SCAF4: variants seen among roughly 807,000 people sequenced by gnomAD.
The protein encoded by SCAF4 is SR-related and CTD-associated factor 4.
In SCAF4, 25 loss-of-function variants were observed where a neutral mutation model predicts 129.8. The ratio of observed to expected loss-of-function variants is 0.19; its 90% CI spans 0.14 to 0.27. SCAF4 has a LOEUF of 0.27. Ranked by LOEUF, SCAF4 falls within the 10% of genes least tolerant of loss-of-function variation. SCAF4 has a pLI of 1.00. For missense variants in SCAF4, 1,246 were observed against 1,457.1 expected, an observed-to-expected ratio of 0.86 and a Z score of 2.36; for synonymous variants, 551 against 497.7, an observed-to-expected ratio of 1.11 and a Z score of -1.43.
At chr21:31,728,146 C>A (rs546563798) in intron 1 of SCAF4, among the ~76,000 whole-genome samples, 15 of 152,230 alleles carry the variant, frequency 9.9e-5, no homozygotes, top group African/African-American at 3.4e-4. Flanking sequence ...CTATTCTACA[C>A]CCCCTTCCTT....
rs2050144182 is a variant in SCAF4, at chr21:31,687,098, A to G, written c.2043+1209T>C. The stretch of plus-strand genomic sequence containing the variant: ...CAGCCAAGAATGTACCAAAGCATAC[A>G]GTTTTCCCCTCACATTGAGAAAATG... On this transcript the variant is annotated intron_variant, in intron 16 of 19. Coordinates refer to ENST00000286835, the MANE Select transcript of SCAF4 (RefSeq NM_020706.2). Among the ~76,000 whole-genome samples, 2 of 152,196 alleles carry G rather than the reference A, an allele frequency of 1.3e-5. 1 individual carries two copies. The highest frequency in any genetic ancestry group is 4.1e-4 in the South Asian group (2 of 4,830).
In SCAF4 at chr21:31,709,350, C is replaced by CAAAAAAA. The variant is rs376581889; in HGVS notation, c.31-3000_31-2994dup. Among the ~76,000 whole-genome samples the CAAAAAAA allele has an allele frequency of 1.0e-4, 12 of 117,760 alleles. No individual in the cohort carries two copies. In the East Asian group the frequency reaches 1.6e-3, roughly 16 times the overall value. 77.3% of individuals were successfully genotyped at this position (117,760 alleles called of 152,430 possible). On this transcript the variant is annotated intron_variant, in intron 1 of 19. Transcript: ENST00000286835. ...AAATACTTACTGGTACTGAAACTGT[C>CAAAAAAA]AAAAAAAAAAAAAAGAAAGAAAGAA...
intron 1 of SCAF4, among the ~76,000 whole-genome samples, chr21:31,725,111 T>C (rs1214955983): frequency 3.3e-5 from 5 of 152,142 alleles, no homozygotes; most frequent in Non-Finnish European, 7.4e-5. Context: ...CACAACATGG[T>C]CAACTTTTGC....
intron 19 of SCAF4, among the ~76,000 whole-genome samples, chr21:31,683,410 AAT>A (rs2050041770): frequency 6.6e-6 from 1 of 152,242 alleles, no homozygotes; most frequent in Admixed American, 6.5e-5. Context: ...AGTGATAAGA[AAT>A]AACAGGCAGG....
At chr21:31,696,821 C>G (rs2050400255) in intron 7 of SCAF4, 71 bp from the exon 8 acceptor site, 1 of 1,318,596 alleles carries the variant, frequency 7.6e-7, no homozygotes, top group East Asian at 2.3e-5. Flanking sequence ...TTTATGAAAA[C>G]AAGGGATGTT....
chr21:31,700,981 T>C lies in SCAF4; in HGVS notation c.777+14A>G, dbSNP rs912273816. ...GATATAAATGGTGGGGTGGGTTATG[T>C]GAGAGAAATATACCTTGTCAAATGC... On this transcript the variant is annotated intron_variant, in intron 7 of 19. Coordinates refer to ENST00000286835, the MANE Select transcript of SCAF4 (RefSeq NM_020706.2). 1 of 1,613,206 alleles carries C rather than the reference T, an allele frequency of 6.2e-7. No homozygotes were observed.
At chr21:31,707,127 T>G (rs1344014483) in intron 1 of SCAF4, among the ~76,000 whole-genome samples, 1 of 152,168 alleles carries the variant, frequency 6.6e-6, no homozygotes, top group Non-Finnish European at 1.5e-5. Context: ...TTGACTGTCT[T>G]GGGTGTCAGC....
chr21:31,714,230 C>T (rs2050873131), intron 1 of SCAF4, among the ~76,000 whole-genome samples: 1 of 152,136 alleles, frequency 6.6e-6, no homozygotes, highest in Non-Finnish European at 1.5e-5. Flanking sequence ...ATTCAATAAA[C>T]ACCGTTAGGT....
rs34216799 is a variant in SCAF4 at position 31,698,621 on chromosome 21, A to G, written c.778-1871T>C. Among the ~76,000 whole-genome samples, 4 of 152,198 alleles carry G rather than the reference A, an allele frequency of 2.6e-5. No homozygotes were observed. The East Asian group carries it at 7.7e-4, about 29-fold the overall frequency. Reference sequence around the variant, plus strand: ...AGAAGGTGTTTTTTAGATGAAAGTAACAATAAATCAGTAGACTCTGAGTAA... The same window carrying G: ...AGAAGGTGTTTTTTAGATGAAAGTAGCAATAAATCAGTAGACTCTGAGTAA... On this transcript the variant is annotated intron_variant, in intron 7 of 19. Transcript: ENST00000286835.
intron 7 of SCAF4, among the ~76,000 whole-genome samples, chr21:31,698,159 A>C (rs1373361126): frequency 6.6e-6 from 1 of 152,202 alleles, no homozygotes; most frequent in African/African-American, 2.4e-5. Flanking sequence ...AAAATACTTA[A>C]AGCAATTAAA....
chr21:31,702,115 C>A, intron 5 of SCAF4, 129 bp downstream of exon 5: 1 of 1,370,814 alleles, frequency 7.3e-7, no homozygotes, highest in Non-Finnish European at 1.0e-6. Context: ...GAAAGAAAAT[C>A]ATACCTTCCA....
chr21:31,685,048 C>A lies in SCAF4; in HGVS notation c.2488+1G>T. 6.3e-7 allele frequency: 1 copy of A among 1,588,564 alleles called. No homozygotes were observed. Among genetic ancestry groups the A allele is most frequent in the Non-Finnish European group, 8.6e-7 (1 of 1,159,436 alleles). On this transcript the variant is annotated splice_donor_variant, in intron 19 of 19. Coordinates refer to ENST00000286835, the MANE Select transcript of SCAF4 (RefSeq NM_020706.2). LOFTEE classifies it high-confidence loss of function. ...ACTAATGATAAAAAAAAATAACTTACCAAGAAGTGAAACAGGCTGGGTTAC... is the reference window on the plus strand; with the variant it reads ...ACTAATGATAAAAAAAAATAACTTAACAAGAAGTGAAACAGGCTGGGTTAC...
Position 31,732,038 on chromosome 21 carries a change from C to T in SCAF4, c.-346G>A, listed in dbSNP as rs991757867. 3 of 428,296 alleles carry T rather than the reference C, an allele frequency of 7.0e-6. No individual in the cohort carries two copies. Among genetic ancestry groups the T allele is most frequent in the East Asian group, 7.2e-5 (2 of 27,958 alleles). 26.5% of individuals were successfully genotyped at this position (428,296 alleles called of 1,614,324 possible). A position where few individuals can be genotyped will look rare whatever the true frequency, so the allele number is the denominator to read the frequency against. ...ACGCACTGGCTCACACTGGCCCGGC[C>T]GGCGAGCGGGCGGGCCTCTCTCTCC... On this transcript the variant is annotated 5_prime_UTR_variant, in exon 1 of 20. Transcript: ENST00000286835.
chr21:31,704,527 TTATGCAAAAAAAAAAAAAA>T (rs1206247982), intron 3 of SCAF4, among the ~76,000 whole-genome samples: 2 of 149,358 alleles, frequency 1.3e-5, no homozygotes, highest in Non-Finnish European at 3.0e-5. Context: ...ATCTAGGAAT[TTATGCAAAAAAAAAAAAAA>T]TTAGGTCTAA....
chr21:31,690,459 T>C (rs1234015744), intron 15 of SCAF4, among the ~76,000 whole-genome samples: 1 of 152,082 alleles, frequency 6.6e-6, no homozygotes, highest in Non-Finnish European at 1.5e-5. Flanking sequence ...CACTCCAGCC[T>C]GGGCTACAGA....
At chr21:31,692,883 T>A (rs887145069) in intron 12 of SCAF4, among the ~76,000 whole-genome samples, 2 of 152,232 alleles carry the variant, frequency 1.3e-5, no homozygotes, top group Admixed American at 6.5e-5. Context: ...TTATGTTGTG[T>A]CCTAGGTGAT....
chr21:31,707,145 T>C (rs1284414832), intron 1 of SCAF4, among the ~76,000 whole-genome samples: 2 of 152,130 alleles, frequency 1.3e-5, no homozygotes, highest in African/African-American at 4.8e-5. Context: ...AGCTTAACAT[T>C]CCATAGATGG....
chr21:31,672,265 G>A lies in SCAF4; in HGVS notation c.2578C>T (p.Gln860Ter). The A allele has an allele frequency of 6.2e-7, 1 of 1,613,886 alleles. No individual in the cohort carries two copies. The highest frequency in any genetic ancestry group is 8.5e-7 in the Non-Finnish European group (1 of 1,179,918). Residue 860 changes from glutamine (Q) to a stop codon, truncating the protein, a stop_gained, in exon 20 of 20, where the codon CAG (glutamine) becomes TAG (stop). Transcript: ENST00000286835. LOFTEE classifies it high-confidence loss of function. ...GGTGGGGGCATTCCTGGAGGGCGCT[G>A]GAGTGGGATGAGACCGGGCCGGGCG... ...LGARPGLIPL[Q>*]RPPGMPPPHL...
chr21:31,701,290 G>A, intron 6 of SCAF4, 119 bp from the exon 7 acceptor site: 1 of 803,606 alleles, frequency 1.2e-6, no homozygotes, highest in Non-Finnish European at 1.8e-6. Flanking sequence ...AGAACAAATT[G>A]GGGAAAAAAT....
Sources: gnomAD v4.1 joint callset for allele counts (sites outside exome capture counted in the v4.1 genomes callset) on GRCh38, gnomAD v4.1.1 for gene constraint, MANE v1.5 for transcripts, NCBI Gene and HGNC (gene_info 2026-07-23, HGNC 2026-07-21) for gene names.